The following RARA variants were observed in gnomAD, a reference collection of about 807,000 sequenced individuals.
RARA encodes PML-DDX5-RARA fusion.
In RARA, 5 loss-of-function variants were observed where a neutral mutation model predicts 42.8. The ratio of observed to expected loss-of-function variants is 0.12; its 90% CI spans 0.06 to 0.25. The LOEUF (loss-of-function observed/expected upper bound fraction) is 0.25, where lower values mean the gene tolerates loss of function less well. Ranked by LOEUF, RARA falls within the 10% of genes least tolerant of loss-of-function variation. RARA has a pLI of 1.00. For synonymous variants in RARA, 256 were observed against 259.5 expected (o/e 0.99, Z 0.13); for missense variants, 402 against 628.7 (o/e 0.64, Z 3.86).
rs2033357831 is a variant in RARA, at chr17:40,320,961, G to C, written c.-362-9896G>C. 6.6e-6 allele frequency among the ~76,000 whole-genome samples: 1 copy of C among 152,132 alleles called. No homozygotes were observed. The highest frequency in any genetic ancestry group is 2.1e-4 in the South Asian group (1 of 4,822). Reference sequence around the variant, plus strand: ...GTGTTGTCTTGACTTACTGGGTTTTGGGAAAGGAGTATGGCAACTGATACC... The same window carrying C: ...GTGTTGTCTTGACTTACTGGGTTTTCGGAAAGGAGTATGGCAACTGATACC... On this transcript the variant is annotated intron_variant, in intron 1 of 8. Coordinates refer to ENST00000254066, the MANE Select transcript of RARA (RefSeq NM_000964.4). This position sits in a 1 kb window ranked among gnomAD's most constrained non-coding sequence, Gnocchi z 4.1.
In RARA at chr17:40,356,189, G is replaced by C. The variant is rs1172581482; in HGVS notation, c.1352G>C (p.Ser451Thr). 1 of 1,550,484 alleles carries C rather than the reference G, an allele frequency of 6.4e-7. No homozygotes were observed. The highest frequency in any genetic ancestry group is 8.7e-7 in the Non-Finnish European group (1 of 1,147,176). ...AGCTGTAGCCCCAGCCTCAGCCCCAGCTCCAACAGAAGCAGCCCGGCCACC... is the reference window on the plus strand; with the variant it reads ...AGCTGTAGCCCCAGCCTCAGCCCCACCTCCAACAGAAGCAGCCCGGCCACC... ...PGSCSPSLSP[S>T]SNRSSPATHS... is the part of the protein sequence containing the mutation. Residue 451 changes from serine (S) to threonine (T), a missense_variant, in exon 9 of 9, where the codon AGC becomes ACC. Physicochemically the swap from Ser to Thr is moderately conservative, Grantham distance 58 (BLOSUM62 1). This residue lies in a region of RARA where 73 missense variants were observed against 59.8 expected (regional missense o/e 1.22). Coordinates refer to ENST00000254066, the MANE Select transcript of RARA (RefSeq NM_000964.4).
chr17:40,341,707 G>C (rs914410291), intron 2 of RARA: 1 of 1,328,158 alleles, frequency 7.5e-7, no homozygotes, highest in Non-Finnish European at 9.6e-7. Flanking sequence ...CGGCCTGGGT[G>C]GGGGTGTGTG....
In RARA at chr17:40,356,851, AG is replaced by A; in HGVS notation, c.*630del. On this transcript the variant is annotated 3_prime_UTR_variant, in exon 9 of 9. Coordinates refer to ENST00000254066, the MANE Select transcript of RARA (RefSeq NM_000964.4). ...TGGGGGGAGCTGGATCCAGAGCTGG[AG>A]GGGGTGGGTCCGGGGGAGGGAGTGG... 2 of 44,922 alleles carry A rather than the reference AG, an allele frequency of 4.5e-5. No homozygotes were observed. The highest frequency in any genetic ancestry group is 3.9e-4 in the East Asian group (1 of 2,580). The allele number at this position is 44,922 out of a possible 1,614,324, so 2.8% of individuals were successfully genotyped here.
chr17:40,319,762 G>A (rs1018294211), intron 1 of RARA, among the ~76,000 whole-genome samples: 3 of 152,192 alleles, frequency 2.0e-5, no homozygotes, highest in Admixed American at 6.5e-5. Context: ...AGGCTGTGCC[G>A]GGGAAGCCCC....
chr17:40,337,411 G>A (rs2033887513), intron 2 of RARA, among the ~76,000 whole-genome samples: 1 of 152,112 alleles, frequency 6.6e-6, no homozygotes, highest in Non-Finnish European at 1.5e-5. Flanking sequence ...TCTCTGTTTT[G>A]GATCCTGAAG....
Position 40,356,450 on chromosome 17 carries a change from C to T in RARA, c.*224C>T, listed in dbSNP as rs765801130. The T allele has an allele frequency of 2.3e-5, 16 of 709,462 alleles. No individual in the cohort carries two copies. The highest frequency in any genetic ancestry group is 2.2e-4 in the East Asian group (8 of 37,060). 43.9% of individuals were successfully genotyped at this position (709,462 alleles called of 1,614,324 possible). On this transcript the variant is annotated 3_prime_UTR_variant, in exon 9 of 9. Coordinates refer to ENST00000254066, the MANE Select transcript of RARA (RefSeq NM_000964.4). ...CACAGCCTGGGCTGACGTCAGAGGC[C>T]GAGGCCAGGAACTGAGTGAGGCCCC...
intron 2 of RARA, chr17:40,342,619 G>A (rs992661556): frequency 2.6e-5 from 40 of 1,526,338 alleles, no homozygotes; most frequent in Middle Eastern, 4.3e-4. Flanking sequence ...TCCCCCAGCT[G>A]CTCTGCTCGG....
chr17:40,354,912 A>G lies in RARA; in HGVS notation c.1013-351A>G, dbSNP rs1007341040. On this transcript the variant is annotated intron_variant, in intron 7 of 8. Coordinates refer to ENST00000254066, the MANE Select transcript of RARA (RefSeq NM_000964.4). The surrounding 1 kb of genome is among the most constrained non-coding windows in gnomAD (Gnocchi z 4.5). Reference sequence around the variant, plus strand: ...CGAGCTCCAGTGCTTGTTAGTTGCTATTTTATTGTTGTGATTTCTGCCATT... The same window carrying G: ...CGAGCTCCAGTGCTTGTTAGTTGCTGTTTTATTGTTGTGATTTCTGCCATT... Among the ~76,000 whole-genome samples, 1 of 152,134 alleles carries G rather than the reference A, an allele frequency of 6.6e-6. No homozygotes were observed. Among genetic ancestry groups the G allele is most frequent in the African/African-American group, 2.4e-5 (1 of 41,416 alleles).
In RARA at chr17:40,356,020, G is replaced by A. The variant is rs2034611099; in HGVS notation, c.1183G>A (p.Val395Met). The A allele has an allele frequency of 6.2e-7, 1 of 1,601,944 alleles. No individual in the cohort carries two copies. Among genetic ancestry groups the A allele is most frequent in the Non-Finnish European group, 8.5e-7 (1 of 1,175,562 alleles). ...RSISAKGAER[V>M]ITLKMEIPGS... ...CTCCTTTCCTGCAGGGGCTGAGCGG[G>A]TGATCACGCTGAAGATGGAGATCCC... The change falls in exon 9 of 9, where the codon GTG (valine) becomes ATG (methionine). Residue 395 changes from valine (V) to methionine (M), a missense_variant. By Grantham distance (21) the Val-to-Met change is conservative (BLOSUM62 1). Coordinates refer to ENST00000254066, the MANE Select transcript of RARA (RefSeq NM_000964.4).
At chr17:40,312,149 G>C (rs1346803241) in intron 1 of RARA, among the ~76,000 whole-genome samples, 1 of 152,198 alleles carries the variant, frequency 6.6e-6, no homozygotes, top group African/African-American at 2.4e-5. Context: ...GCCCTCAAAA[G>C]ACCAGTCAGT....
intron 2 of RARA, among the ~76,000 whole-genome samples, chr17:40,338,006 A>G (rs1266060761): frequency 1.3e-5 from 2 of 152,222 alleles, no homozygotes; most frequent in East Asian, 1.9e-4. Context: ...AGAACATGAC[A>G]TGGAGTTTTT....
intron 2 of RARA, chr17:40,342,876 C>T (rs763217229): frequency 6.2e-6 from 10 of 1,607,992 alleles, no homozygotes; most frequent in South Asian, 2.2e-5. Context: ...CTGTACGTAC[C>T]GGCCTCTCAG....
chr17:40,339,191 GA>G (rs939945517), intron 2 of RARA, among the ~76,000 whole-genome samples: 3 of 152,168 alleles, frequency 2.0e-5, no homozygotes, highest in African/African-American at 7.2e-5. Flanking sequence ...TGTCTTGGGG[GA>G]TGGTGCCACT....
chr17:40,355,471 G>T lies in RARA; in HGVS notation c.1171+50G>T. 4 of 1,561,866 alleles carry T rather than the reference G, an allele frequency of 2.6e-6. No individual in the cohort carries two copies. Among genetic ancestry groups the T allele is most frequent in the Non-Finnish European group, 2.6e-6 (3 of 1,150,154 alleles). On this transcript the variant is annotated intron_variant, in intron 8 of 8. Coordinates refer to ENST00000254066, the MANE Select transcript of RARA (RefSeq NM_000964.4). The surrounding 1 kb of genome is among the most constrained non-coding windows in gnomAD (Gnocchi z 4.1). ...TACCGGCCCCCGACACCTGGCCCAG[G>T]CCCCCACATCCAAGCCAGCACCCCA...
chr17:40,318,618 G>A (rs1373357858), intron 1 of RARA, among the ~76,000 whole-genome samples: 1 of 152,230 alleles, frequency 6.6e-6, no homozygotes, highest in East Asian at 1.9e-4. Flanking sequence ...TCCAGGGTGG[G>A]GGAGCCCCGT....
rs753406624 is a variant in RARA, at chr17:40,354,537, G to T, written c.1012+31G>T. 5 of 1,598,716 alleles carry T rather than the reference G, an allele frequency of 3.1e-6. No individual in the cohort carries two copies. Among genetic ancestry groups the T allele is most frequent in the African/African-American group, 1.3e-5 (1 of 74,632 alleles). On this transcript the variant is annotated intron_variant, in intron 7 of 8. Transcript: ENST00000254066. This position sits in a 1 kb window ranked among gnomAD's most constrained non-coding sequence, Gnocchi z 4.5. ...CAGGGGGCCTGGGTCTGGGGGCTGGGCTGGGACGGGGGTGCAGCCCTGGAG... is the reference window on the plus strand; with the variant it reads ...CAGGGGGCCTGGGTCTGGGGGCTGGTCTGGGACGGGGGTGCAGCCCTGGAG...
At chr17:40,318,816 A>C (rs1567745197) in intron 1 of RARA, among the ~76,000 whole-genome samples, 1 of 152,250 alleles carries the variant, frequency 6.6e-6, no homozygotes, top group Non-Finnish European at 1.5e-5. Context: ...TCGGATGCTC[A>C]ACGGACTAGC....
chr17:40,346,110 C>T (rs945068251), intron 2 of RARA, among the ~76,000 whole-genome samples: 2 of 152,188 alleles, frequency 1.3e-5, no homozygotes, highest in Admixed American at 6.5e-5. Context: ...GTCATCTCTC[C>T]CATTCTGCCA....
In RARA at chr17:40,352,587, T is replaced by A; in HGVS notation, c.807+80T>A. On this transcript the variant is annotated intron_variant, in intron 6 of 8. Coordinates refer to ENST00000254066, the MANE Select transcript of RARA (RefSeq NM_000964.4). This position sits in a 1 kb window ranked among gnomAD's most constrained non-coding sequence, Gnocchi z 4.9. ...CCTTCCAGCCAGACAGCCACCCTCC[T>A]AAATGTCTGTCTGCAATCAACCTGT... 1 of 1,308,290 alleles carries A rather than the reference T, an allele frequency of 7.6e-7. No individual in the cohort carries two copies. The highest frequency in any genetic ancestry group is 1.0e-6 in the Non-Finnish European group (1 of 971,850). The allele number at this position is 1,308,290 out of a possible 1,614,324, so 81.0% of individuals were successfully genotyped here.
Sources: gnomAD v4.1 joint callset for allele counts (sites outside exome capture counted in the v4.1 genomes callset) on GRCh38, gnomAD v4.1.1 for gene constraint, gnomAD v4.1.1 regional missense constraint, Gnocchi (gnomAD v3.1) non-coding constraint, MANE v1.5 for transcripts, NCBI Gene and HGNC (gene_info 2026-07-23, HGNC 2026-07-21) for gene names.